The following NKAIN3 variants were observed in gnomAD, a reference collection of about 807,000 sequenced individuals.
The protein encoded by NKAIN3 is sodium/potassium-transporting ATPase subunit beta-1-interacting protein 3.
NKAIN3 carries 25 observed loss-of-function variants against 30.2 expected under a neutral mutation model. The observed-to-expected ratio is 0.83, with a 90% CI of 0.60 to 1.16. NKAIN3 has a LOEUF of 1.16. Ranked by LOEUF, NKAIN3 falls within the 50% of genes most tolerant of loss-of-function variation. The pLI, the probability that NKAIN3 is intolerant of heterozygous loss-of-function variation, is 0.00. For missense variants in NKAIN3, 225 were observed against 254.1 expected (o/e 0.89, Z 0.78); for synonymous variants, 91 against 89.6 (o/e 1.02, Z -0.09).
intron 1 of NKAIN3, among the ~76,000 whole-genome samples, chr8:62,468,283 C>G (rs1806223527): frequency 6.6e-6 from 1 of 152,120 alleles, no homozygotes; most frequent in Non-Finnish European, 1.5e-5. Context: ...GGAAAATACA[C>G]TAACCAGGAA....
At chr8:62,721,602 T>A (rs1262271887) in intron 3 of NKAIN3, among the ~76,000 whole-genome samples, 1 of 152,186 alleles carries the variant, frequency 6.6e-6, no homozygotes, top group Non-Finnish European at 1.5e-5. Context: ...CAGCCAAGTG[T>A]TGCCTTAGAG....
intron 1 of NKAIN3, among the ~76,000 whole-genome samples, chr8:62,453,714 A>C (rs1002775334): frequency 1.3e-5 from 2 of 152,192 alleles, no homozygotes; most frequent in Non-Finnish European, 2.9e-5. Flanking sequence ...GACCCCACAG[A>C]AATACAGAAA....
chr8:62,991,825 G>T (rs1014486472), intron 5 of NKAIN3, among the ~76,000 whole-genome samples: 3 of 152,130 alleles, frequency 2.0e-5, no homozygotes, highest in Non-Finnish European at 4.4e-5. Flanking sequence ...AATTGAACGT[G>T]TCTTTAAGGG....
chr8:62,520,813 A>C (rs905092479), intron 1 of NKAIN3, among the ~76,000 whole-genome samples: 1 of 152,062 alleles, frequency 6.6e-6, no homozygotes, highest in African/African-American at 2.4e-5. Context: ...CTGGAAAACA[A>C]TATATAGGTC....
intron 1 of NKAIN3, among the ~76,000 whole-genome samples, chr8:62,364,041 C>T (rs1229590391): frequency 6.7e-6 from 1 of 148,224 alleles, no homozygotes; most frequent in Non-Finnish European, 1.5e-5. Context: ...TTTGGGGTTC[C>T]TTCTCTGTAT....
intron 1 of NKAIN3, among the ~76,000 whole-genome samples, chr8:62,308,521 A>G (rs1229464317): frequency 6.6e-6 from 1 of 150,768 alleles, no homozygotes; most frequent in Non-Finnish European, 1.5e-5. Context: ...TACCAAAAGC[A>G]AGTGTGGATA....
intron 4 of NKAIN3, among the ~76,000 whole-genome samples, chr8:62,821,726 A>T (rs1009224480): frequency 6.6e-6 from 1 of 152,202 alleles, no homozygotes; most frequent in African/African-American, 2.4e-5. Flanking sequence ...AAGCTTGCTA[A>T]AATGACCTTT....
chr8:62,663,040 T>C (rs1812992824), intron 3 of NKAIN3, among the ~76,000 whole-genome samples: 1 of 152,218 alleles, frequency 6.6e-6, no homozygotes, highest in South Asian at 2.1e-4. Context: ...AGTTATATTT[T>C]AGACTTGAGA....
At chr8:62,270,179 A>T (rs1439481851) in intron 1 of NKAIN3, among the ~76,000 whole-genome samples, 1 of 152,140 alleles carries the variant, frequency 6.6e-6, no homozygotes, top group Non-Finnish European at 1.5e-5. Context: ...TCCTGGGCTC[A>T]AGTGATCCTC....
chr8:62,445,091 A>G (rs1363958519), intron 1 of NKAIN3, among the ~76,000 whole-genome samples: 2 of 151,974 alleles, frequency 1.3e-5, no homozygotes, highest in Non-Finnish European at 2.9e-5. Context: ...GACTACAGGC[A>G]TGCACCACCA....
chr8:62,513,022 T>C (rs1399141632), intron 1 of NKAIN3, among the ~76,000 whole-genome samples: 1 of 152,090 alleles, frequency 6.6e-6, no homozygotes. Flanking sequence ...GCTTCCCTAC[T>C]GGCATCATGA....
chr8:62,771,981 T>C (rs1021702736), intron 4 of NKAIN3, among the ~76,000 whole-genome samples: 9 of 152,192 alleles, frequency 5.9e-5, no homozygotes, highest in African/African-American at 2.2e-4. Flanking sequence ...AGGCACTGTG[T>C]TGTGCTATCA....
At chr8:62,528,307 A>ATATATATATATATTATAT (rs1808373588) in intron 1 of NKAIN3, among the ~76,000 whole-genome samples, 1 of 93,328 alleles carries the variant, frequency 1.1e-5, no homozygotes, top group Non-Finnish European at 2.1e-5. Context: ...ATATTATATT[A>ATATATATATATATTATAT]TATATATATA....
intron 1 of NKAIN3, among the ~76,000 whole-genome samples, chr8:62,397,959 G>A (rs1249753420): frequency 1.3e-5 from 2 of 152,152 alleles, no homozygotes. Context: ...GACAAATTGA[G>A]ATGGAATTCC....
intron 3 of NKAIN3, among the ~76,000 whole-genome samples, chr8:62,715,704 A>C (rs113778147): frequency 2.0e-5 from 3 of 152,198 alleles, no homozygotes; most frequent in African/African-American, 7.2e-5. Flanking sequence ...GTCAAGAAGA[A>C]ATTATGGCAC....
At chr8:62,619,945 T>C (rs537932591) in intron 3 of NKAIN3, among the ~76,000 whole-genome samples, 2 of 152,198 alleles carry the variant, frequency 1.3e-5, no homozygotes, top group African/African-American at 4.8e-5. Context: ...CTTTTCCTTC[T>C]ACTCATCTTA....
intron 1 of NKAIN3, among the ~76,000 whole-genome samples, chr8:62,575,354 T>G (rs1220236137): frequency 6.6e-6 from 1 of 152,056 alleles, no homozygotes; most frequent in East Asian, 1.9e-4. Flanking sequence ...ACCCAGAAAG[T>G]AATCCCATTT....
chr8:62,420,730 T>G (rs1334179958), intron 1 of NKAIN3, among the ~76,000 whole-genome samples: 4 of 152,120 alleles, frequency 2.6e-5, no homozygotes, highest in Non-Finnish European at 5.9e-5. Context: ...CAAGAAGAAA[T>G]AAATAATCTG....
At chr8:62,763,616 A>G (rs1586172780) in intron 4 of NKAIN3, among the ~76,000 whole-genome samples, 1 of 152,352 alleles carries the variant, frequency 6.6e-6, no homozygotes, top group East Asian at 1.9e-4. Context: ...CAGGATACAC[A>G]AAGCTTTTAA....
Sources: gnomAD v4.1 joint callset for allele counts (sites outside exome capture counted in the v4.1 genomes callset) on GRCh38, gnomAD v4.1.1 for gene constraint, MANE v1.5 for transcripts, NCBI Gene and HGNC (gene_info 2026-07-23, HGNC 2026-07-21) for gene names.